DCP2: variants seen among roughly 807,000 people sequenced by gnomAD.
DCP2 encodes the protein decapping mRNA 2.
A neutral mutation model predicts 56.1 loss-of-function variants in DCP2; 30 were observed. The ratio of observed to expected loss-of-function variants is 0.53; its 90% confidence interval spans 0.40 to 0.73. The LOEUF (loss-of-function observed/expected upper bound fraction) is 0.73. DCP2 is among the 30% of genes least tolerant of loss of function. The probability of loss-of-function intolerance (pLI) is 0.00; values close to 1 mark genes in which losing one functional copy is unlikely to be tolerated. For synonymous variants in DCP2, 197 were observed against 163.3 expected, an observed-to-expected ratio of 1.21 and a Z score of -1.57; for missense variants, 533 against 502.7, an observed-to-expected ratio of 1.06 and a Z score of -0.58.
intron 9 of DCP2, among the ~76,000 whole-genome samples, chr5:113,008,477 A>AATG (rs1749542125): frequency 1.4e-4 from 1 of 7,218 alleles, no homozygotes; most frequent in African/African-American, 7.6e-4. Context: ...GACAAATAAC[A>AATG]AAGCAGTTTT....
Position 113,007,820 on chromosome 5 carries a change from G to A in DCP2, c.943-118G>A, listed in dbSNP as rs1002412867. ...TGATAGGGTGATTAATGAAAATTTG[G>A]GTAGGAGAAGCTTTGCTAAAAACTT... On this transcript the variant is annotated intron_variant, in intron 8 of 10. Transcript: ENST00000389063. 1.7e-4 allele frequency: 132 copies of A among 757,926 alleles called. 1 individual carries two copies. The highest frequency in any genetic ancestry group is 5.6e-4 in the South Asian group (26 of 46,734). The allele number at this position is 757,926 out of a possible 1,614,324, so 47.0% of individuals were successfully genotyped here.
intron 2 of DCP2, among the ~76,000 whole-genome samples, chr5:112,988,561 G>A (rs561562803): frequency 1.5e-4 from 22 of 148,838 alleles, no homozygotes; most frequent in East Asian, 3.9e-4. Flanking sequence ...ATCACTTGAC[G>A]TTCAGGGCAA....
intron 7 of DCP2, among the ~76,000 whole-genome samples, chr5:113,002,759 G>T (rs1749238961): frequency 6.6e-6 from 1 of 152,164 alleles, no homozygotes; most frequent in South Asian, 2.1e-4. Context: ...TTGGGCTCCA[G>T]TGATCCTCCT....
chr5:112,993,320 G>T (rs749662270), intron 4 of DCP2, among the ~76,000 whole-genome samples: 1 of 152,020 alleles, frequency 6.6e-6, no homozygotes, highest in Non-Finnish European at 1.5e-5. Flanking sequence ...GAACTTGATT[G>T]ATTTGTTTCG....
At chr5:112,988,518 A>T (rs1306517113) in intron 2 of DCP2, among the ~76,000 whole-genome samples, 7 of 149,926 alleles carry the variant, frequency 4.7e-5, no homozygotes, top group African/African-American at 1.7e-4. Flanking sequence ...AAAAAAAAAA[A>T]TGGTATCCAA....
chr5:112,992,219 G>A lies in DCP2; in HGVS notation c.304G>A (p.Ala102Thr). ...EYKMGVPTYG[A>T]IILDETLENV... ...TAAAATGGGAGTACCAACATATGGT[G>A]CAATTATTCTTGATGAGACACTTGA... is the stretch of plus-strand genomic sequence containing the variant. The change falls in exon 3 of 11, where the codon GCA becomes ACA. Residue 102 changes from alanine to threonine, a missense_variant. By Grantham distance (58) the Ala-to-Thr change is moderately conservative. Around this residue, in one of 3 missense-constraint regions of DCP2, gnomAD observed 137 missense variants for 138.2 expected, o/e 0.99. Coordinates refer to ENST00000389063, the MANE Select transcript of DCP2 (RefSeq NM_152624.6). 1 of 1,612,906 alleles carries A rather than the reference G, an allele frequency of 6.2e-7. No homozygotes were observed. The highest frequency in any genetic ancestry group is 8.5e-7 in the Non-Finnish European group (1 of 1,179,750).
At chr5:112,989,084 T>C (rs2039886093) in intron 2 of DCP2, among the ~76,000 whole-genome samples, 1 of 152,044 alleles carries the variant, frequency 6.6e-6, no homozygotes, top group Admixed American at 6.5e-5. Context: ...GTGAAGAGAG[T>C]AGACTCAGTA....
chr5:112,985,751 G>T lies in DCP2; in HGVS notation c.54-84G>T, dbSNP rs76593779. ...CTTGGTCCCTTTTCTCAGTTGGTGG[G>T]TCAGGTATGAAGCACTTAAATAGCT... On this transcript the variant is annotated intron_variant, in intron 1 of 10. Transcript: ENST00000389063. The T allele has an allele frequency of 1.5e-3, 2,243 of 1,484,328 alleles. 30 individuals are homozygous for T. In the African/African-American group the frequency reaches 0.026, roughly 17 times the overall value. 91.9% of individuals were successfully genotyped at this position (1,484,328 alleles called of 1,614,324 possible). A position where few individuals can be genotyped will look rare whatever the true frequency, so the allele number is the denominator to read the frequency against.
At chr5:113,005,151 G>GGTGTGTGGGTGTGTGTGT (rs70973659) in intron 8 of DCP2, among the ~76,000 whole-genome samples, 1 of 149,420 alleles carries the variant, frequency 6.7e-6, no homozygotes, top group African/African-American at 2.5e-5. Context: ...TGTGCGTGTG[G>GGTGTGTGGGTGTGTGTGT]GTGTGTGTGT....
chr5:112,985,750 G>A, intron 1 of DCP2, 85 bp from the exon 2 acceptor site: 7 of 1,469,412 alleles, frequency 4.8e-6, no homozygotes, highest in Non-Finnish European at 6.5e-6. Context: ...TCAGTTGGTG[G>A]GTCAGGTATG....
intron 4 of DCP2, among the ~76,000 whole-genome samples, chr5:112,995,636 A>C (rs188708117): frequency 1.7e-3 from 253 of 152,356 alleles, no homozygotes; most frequent in Middle Eastern, 3.4e-3. Flanking sequence ...TAAAAATTCT[A>C]ACCTCTAAAC....
At chr5:113,006,216 A>G (rs1212680627) in intron 8 of DCP2, among the ~76,000 whole-genome samples, 1 of 152,192 alleles carries the variant, frequency 6.6e-6, no homozygotes, top group Non-Finnish European at 1.5e-5. Context: ...AAGAGGATAA[A>G]TATCGTATTA....
chr5:113,007,770 C>T (rs896424229), intron 8 of DCP2, among the ~76,000 whole-genome samples, 168 bp from the exon 9 acceptor site: 2 of 152,148 alleles, frequency 1.3e-5, no homozygotes, highest in African/African-American at 4.8e-5. Flanking sequence ...CTTTGGGAAG[C>T]ACTGACTTCT....
intron 10 of DCP2, 98 bp from the exon 11 acceptor site, chr5:113,013,223 T>C: frequency 7.9e-7 from 1 of 1,266,582 alleles, no homozygotes. Context: ...GATAAATATA[T>C]ACTCAAAACT....
At chr5:112,982,332 T>A (rs1748045772) in intron 1 of DCP2, among the ~76,000 whole-genome samples, 1 of 152,218 alleles carries the variant, frequency 6.6e-6, no homozygotes, top group African/African-American at 2.4e-5. Context: ...CAGTCTGGAC[T>A]CGTTGCTCCT....
intron 1 of DCP2, among the ~76,000 whole-genome samples, chr5:112,981,350 G>A (rs77451934): frequency 0.015 from 2,297 of 151,974 alleles, 52 homozygotes; most frequent in African/African-American, 0.052. Context: ...TTTGTTTTAC[G>A]AACTTACAGT....
At chr5:112,993,679 C>A (rs2150177544) in intron 4 of DCP2, among the ~76,000 whole-genome samples, 1 of 148,598 alleles carries the variant, frequency 6.7e-6, no homozygotes, top group Non-Finnish European at 1.5e-5. Context: ...CTGTTATTTT[C>A]CTACCTGGAA....
At chr5:113,001,768 A>G (rs1224841665) in intron 7 of DCP2, 94 bp downstream of exon 7, 1 of 1,139,568 alleles carries the variant, frequency 8.8e-7, no homozygotes. Flanking sequence ...AGGATGTAAG[A>G]TTTCTTTTTA....
intron 2 of DCP2, among the ~76,000 whole-genome samples, chr5:112,991,722 T>C (rs139260843): frequency 1.3e-5 from 2 of 152,326 alleles, no homozygotes; most frequent in Non-Finnish European, 2.9e-5. Flanking sequence ...TTTCTTGTTA[T>C]TACGCTAATA....
Sources: allele counts gnomAD v4.1 joint callset (sites outside exome capture counted in the v4.1 genomes callset), GRCh38; gene constraint gnomAD v4.1.1; regional missense constraint gnomAD v4.1.1; transcripts MANE v1.5; gene names NCBI Gene and HGNC (gene_info 2026-07-23, HGNC 2026-07-21).